Variants in NLGN1 observed in about 807,000 individuals in gnomAD.
NLGN1 encodes neuroligin-1.
A neutral mutation model predicts 65.5 loss-of-function variants in NLGN1; 12 were observed. That is an observed-to-expected ratio of 0.18 (90% CI 0.12 to 0.30). NLGN1 has a LOEUF of 0.30. NLGN1 is among the 10% of genes least tolerant of loss of function. The pLI is 1.00. For missense variants in NLGN1, 750 were observed against 1,007.1 expected (o/e 0.74, Z 3.46); for synonymous variants, 350 against 359.5 (o/e 0.97, Z 0.30).
At chr3:173,490,395 G>T (rs898367843) in intron 2 of NLGN1, among the ~76,000 whole-genome samples, 1 of 152,144 alleles carries the variant, frequency 6.6e-6, no homozygotes, top group African/African-American at 2.4e-5. Context: ...TCAAAGATCA[G>T]ATAGTTGTAG....
intron 1 of NLGN1, among the ~76,000 whole-genome samples, chr3:173,431,496 T>C (rs1717153452): frequency 6.6e-6 from 1 of 152,152 alleles, no homozygotes; most frequent in South Asian, 2.1e-4. Context: ...TCAGTATCTG[T>C]GAGCATTTTT....
At chr3:174,275,271 T>G (rs761180298) in intron 4 of NLGN1, 44 bp from the exon 5 acceptor site, 11 of 1,434,196 alleles carry the variant, frequency 7.7e-6, no homozygotes, top group East Asian at 2.3e-5. Context: ...GTCTATTTGA[T>G]TCACGTCAGC....
At chr3:173,785,062 A>C (rs753662776) in intron 3 of NLGN1, among the ~76,000 whole-genome samples, 2 of 152,222 alleles carry the variant, frequency 1.3e-5, no homozygotes, top group Non-Finnish European at 2.9e-5. Flanking sequence ...ATACACACAC[A>C]TAACAAGACA....
chr3:173,861,798 G>C lies in NLGN1; in HGVS notation c.646+53966G>C, dbSNP rs185194864. Among the ~76,000 whole-genome samples, 377 of 151,738 alleles carry C rather than the reference G, an allele frequency of 2.5e-3. 2 individuals are homozygous for C. The highest frequency in any genetic ancestry group is 8.2e-3 in the African/African-American group (337 of 41,334). On this transcript the variant is annotated intron_variant, in intron 4 of 6. Coordinates refer to ENST00000457714, the Ensembl canonical transcript of NLGN1. ...TATTGAGACAGAGTCTTGGTGTGTT[G>C]CCCAGGCTGGAGTGCAGTGGTGTGA...
chr3:174,053,538 T>C (rs1206504346), intron 4 of NLGN1, among the ~76,000 whole-genome samples: 3 of 152,034 alleles, frequency 2.0e-5, no homozygotes, highest in African/African-American at 4.8e-5. Context: ...TTGTATACTT[T>C]TAAAATTATT....
At position 174,279,493 on chromosome 3, in the gene NLGN1, C is replaced by G; in HGVS notation, c.1492C>G (p.Pro498Ala). Reference sequence around the variant, plus strand: ...CCATCATTGCCAAACAGATCAGGTTCCAGCTTGGGCTGATGCAGCCCACGG... The same window carrying G: ...CCATCATTGCCAAACAGATCAGGTTGCAGCTTGGGCTGATGCAGCCCACGG... Residue 498 changes from proline (P) to alanine (A), a missense_variant, in exon 6 of 7, where the codon CCA becomes GCA. Physicochemically the swap from Pro to Ala is conservative, Grantham distance 27. Transcript: ENST00000457714. This position sits in a 1 kb window ranked among gnomAD's most constrained non-coding sequence, Gnocchi z 4.7. 6.2e-7 allele frequency: 1 copy of G among 1,613,142 alleles called. No homozygotes were observed. Among genetic ancestry groups the G allele is most frequent in the Non-Finnish European group, 8.5e-7 (1 of 1,179,518 alleles).
At chr3:174,196,487 C>T (rs1303178924) in intron 4 of NLGN1, among the ~76,000 whole-genome samples, 5 of 152,080 alleles carry the variant, frequency 3.3e-5, no homozygotes, top group African/African-American at 9.7e-5. Context: ...ACACTCTGCA[C>T]GTAATGTCAT....
At chr3:173,487,388 T>C (rs1443186826) in intron 2 of NLGN1, among the ~76,000 whole-genome samples, 3 of 152,048 alleles carry the variant, frequency 2.0e-5, no homozygotes, top group Non-Finnish European at 2.9e-5. Flanking sequence ...TAAGACTTTC[T>C]TGGTGATCAA....
intron 4 of NLGN1, among the ~76,000 whole-genome samples, chr3:174,035,967 A>T (rs1009497501): frequency 2.0e-5 from 3 of 152,128 alleles, no homozygotes; most frequent in African/African-American, 7.2e-5. Context: ...TACAAAATAG[A>T]CAATATATTA....
intron 4 of NLGN1, among the ~76,000 whole-genome samples, chr3:174,074,386 GTTTAC>G (rs1205581943): frequency 1.3e-5 from 2 of 152,106 alleles, no homozygotes; most frequent in Admixed American, 1.3e-4. Flanking sequence ...TTTAAATGAT[GTTTAC>G]TTTAGTAGAA....
chr3:173,486,313 C>T (rs913342989), intron 2 of NLGN1, among the ~76,000 whole-genome samples: 5 of 152,044 alleles, frequency 3.3e-5, no homozygotes, highest in Admixed American at 6.6e-5. Flanking sequence ...CCGCCTGCCT[C>T]GGCCTCCCAA....
At chr3:173,444,118 G>A (rs1719725014) in intron 2 of NLGN1, among the ~76,000 whole-genome samples, 1 of 152,126 alleles carries the variant, frequency 6.6e-6, no homozygotes, top group African/African-American at 2.4e-5. Flanking sequence ...AATATCACTG[G>A]AATACAATAC....
chr3:173,925,874 A>T (rs1435364441), intron 4 of NLGN1, among the ~76,000 whole-genome samples: 1 of 152,078 alleles, frequency 6.6e-6, no homozygotes, highest in African/African-American at 2.4e-5. Flanking sequence ...AAAGTTGATT[A>T]TTTTAAAAAT....
chr3:174,107,009 C>CAGAGAG (rs1394529884), intron 4 of NLGN1, among the ~76,000 whole-genome samples: 7 of 118,832 alleles, frequency 5.9e-5, no homozygotes, highest in African/African-American at 1.6e-4. Flanking sequence ...CACACACACA[C>CAGAGAG]ACACACACAG....
At chr3:173,786,137 T>C (rs1015409483) in intron 3 of NLGN1, among the ~76,000 whole-genome samples, 1 of 152,184 alleles carries the variant, frequency 6.6e-6, no homozygotes, top group South Asian at 2.1e-4. Flanking sequence ...GGTATTTTTT[T>C]TATGCACATT....
intron 4 of NLGN1, among the ~76,000 whole-genome samples, chr3:173,934,082 T>G (rs1744620069): frequency 6.6e-6 from 1 of 151,612 alleles, no homozygotes; most frequent in South Asian, 2.1e-4. Context: ...TATAATATCA[T>G]TAGAGAAAAA....
chr3:173,580,854 T>G (rs1746282092), intron 2 of NLGN1, among the ~76,000 whole-genome samples: 1 of 152,014 alleles, frequency 6.6e-6, no homozygotes, highest in Admixed American at 6.5e-5. Context: ...CCATTTGCAC[T>G]CAACAAATAA....
chr3:173,692,761 T>C (rs1416554060), intron 3 of NLGN1, among the ~76,000 whole-genome samples: 4 of 152,124 alleles, frequency 2.6e-5, no homozygotes, highest in South Asian at 2.1e-4. Context: ...TTTTTTGCAA[T>C]ATACTTAGAA....
intron 4 of NLGN1, among the ~76,000 whole-genome samples, chr3:173,933,665 A>G (rs1744536394): frequency 6.6e-6 from 1 of 152,150 alleles, no homozygotes; most frequent in Non-Finnish European, 1.5e-5. Flanking sequence ...TTTCAGAAAC[A>G]TATGATGAAA....
Sources: allele counts gnomAD v4.1 joint callset (sites outside exome capture counted in the v4.1 genomes callset), GRCh38; gene constraint gnomAD v4.1.1; non-coding constraint Gnocchi (gnomAD v3.1); transcripts MANE v1.5; gene names NCBI Gene and HGNC (gene_info 2026-07-23, HGNC 2026-07-21).